The following CRX variants were observed in gnomAD, a reference collection of about 807,000 sequenced individuals.
The protein encoded by CRX is cone-rod homeobox protein.
A neutral mutation model predicts 13.1 loss-of-function variants in CRX; 5 were observed. The ratio of observed to expected loss-of-function variants is 0.38; its 90% CI spans 0.20 to 0.80. The LOEUF is 0.80. CRX is among the 30% of genes least tolerant of loss of function. The pLI is 0.43. For missense variants in CRX, 351 were observed against 391.8 expected (o/e 0.90, Z 0.88); for synonymous variants, 179 against 171.1 (o/e 1.05, Z -0.36).
Position 47,839,281 on chromosome 19 carries a change from C to G in CRX, c.253-39C>G. The G allele has an allele frequency of 6.3e-7, 1 of 1,597,590 alleles. No individual in the cohort carries two copies. The highest frequency in any genetic ancestry group is 1.1e-5 in the South Asian group (1 of 89,164). The stretch of plus-strand genomic sequence containing the variant: ...ACCCTGCGGCTCTCCTGGGCCTCTT[C>G]CCCACTTACCCACCCCCATCTCCGC... On this transcript the variant is annotated intron_variant, in intron 3 of 3. Transcript: ENST00000221996. The surrounding 1 kb of genome is among the most constrained non-coding windows in gnomAD (Gnocchi z 4.6).
At chr19:47,830,045 TATA>T (rs1198949544) in intron 1 of CRX, among the ~76,000 whole-genome samples, 1 of 148,784 alleles carries the variant, frequency 6.7e-6, no homozygotes, top group African/African-American at 2.4e-5. Flanking sequence ...ATTTATAATA[TATA>T]ATAACACAAA....
intron 3 of CRX, among the ~76,000 whole-genome samples, chr19:47,838,097 C>T (rs1270282674): frequency 6.6e-6 from 1 of 151,714 alleles, no homozygotes; most frequent in East Asian, 1.9e-4. Flanking sequence ...GCTATGTATG[C>T]TGTATGTGTG....
chr19:47,836,010 G>C (rs1351712809), intron 2 of CRX, among the ~76,000 whole-genome samples: 2 of 151,986 alleles, frequency 1.3e-5, no homozygotes, highest in African/African-American at 4.8e-5. Context: ...AGAAAGTTTA[G>C]AAGAGGGAAA....
At chr19:47,833,368 G>T (rs1241622220) in intron 1 of CRX, among the ~76,000 whole-genome samples, 1 of 151,754 alleles carries the variant, frequency 6.6e-6, no homozygotes, top group Non-Finnish European at 1.5e-5. Flanking sequence ...TGCAACCTCT[G>T]CCTCCCGGGT....
Position 47,840,812 on chromosome 19 carries a change from G to A in CRX, c.*845G>A, listed in dbSNP as rs966335603. The A allele has an allele frequency of 6.7e-6, 1 of 149,846 alleles. No homozygotes were observed. The highest frequency in any genetic ancestry group is 2.5e-5 in the African/African-American group (1 of 40,610). The allele number at this position is 149,846 out of a possible 1,614,324, so 9.3% of individuals were successfully genotyped here. On this transcript the variant is annotated 3_prime_UTR_variant, in exon 4 of 4. Transcript: ENST00000221996. ...GACTGCAACCTCCACCTCCCGGGTT[G>A]AAGCGTTGCTCCTGCCTCAATCTCC...
chr19:47,840,381 C>T lies in CRX; in HGVS notation c.*414C>T, dbSNP rs1345835030. 2.4e-5 allele frequency: 5 copies of T among 212,448 alleles called. No individual in the cohort carries two copies. The highest frequency in any genetic ancestry group is 3.8e-5 in the Non-Finnish European group (4 of 104,180). The allele number at this position is 212,448 out of a possible 1,614,324, so 13.2% of individuals were successfully genotyped here. A position where few individuals can be genotyped will look rare whatever the true frequency, so the allele number is the denominator to read the frequency against. ...GGGGGCTTGATAACTTAACTTTCCA[C>T]GTGGACAGAATTTTTTTTTTTGTTT... is the stretch of plus-strand genomic sequence containing the variant. On this transcript the variant is annotated 3_prime_UTR_variant, in exon 4 of 4. Transcript: ENST00000221996.
chr19:47,834,353 T>A lies in CRX; in HGVS notation c.-35-56T>A, dbSNP rs1009416539. On this transcript the variant is annotated intron_variant, in intron 1 of 3. Coordinates refer to ENST00000221996, the MANE Select transcript of CRX (RefSeq NM_000554.6). ...CAGGATTTGAATCGCAGCCTGCACGTCACCCCATGGTGAGTAACTGGTAAG... is the reference window on the plus strand; with the variant it reads ...CAGGATTTGAATCGCAGCCTGCACGACACCCCATGGTGAGTAACTGGTAAG... 1.8e-5 allele frequency: 18 copies of A among 1,006,580 alleles called. No homozygotes were observed. In the African/African-American group the frequency reaches 2.8e-4, roughly 16 times the overall value. 62.4% of individuals were successfully genotyped at this position (1,006,580 alleles called of 1,614,324 possible).
intron 1 of CRX, among the ~76,000 whole-genome samples, chr19:47,828,649 G>A (rs941055225): frequency 4.7e-5 from 7 of 149,092 alleles, no homozygotes; most frequent in African/African-American, 9.9e-5. Flanking sequence ...GTTTAGGGGC[G>A]TAGGTTGCTT....
At chr19:47,826,709 G>C (rs1036938154) in intron 1 of CRX, among the ~76,000 whole-genome samples, 1 of 152,228 alleles carries the variant, frequency 6.6e-6, no homozygotes, top group African/African-American at 2.4e-5. Flanking sequence ...GAAGGCTTGT[G>C]TATTAGTTAA....
At position 47,842,047 on chromosome 19, in the gene CRX, A is replaced by G. The variant is rs1968203628; in HGVS notation, c.*2080A>G. ...AAGAGTTGGGAAGAGATAGGGCACA[A>G]TATATGCTTACGAGTTGGTACACAC... On this transcript the variant is annotated 3_prime_UTR_variant, in exon 4 of 4. Coordinates refer to ENST00000221996, the MANE Select transcript of CRX (RefSeq NM_000554.6). The G allele has an allele frequency of 6.6e-6, 1 of 152,282 alleles. No homozygotes were observed. The highest frequency in any genetic ancestry group is 2.4e-5 in the African/African-American group (1 of 41,436). The allele number at this position is 152,282 out of a possible 1,614,324, so 9.4% of individuals were successfully genotyped here.
chr19:47,831,306 C>CA (rs5828320), intron 1 of CRX, among the ~76,000 whole-genome samples: 34,613 of 78,360 alleles, frequency 0.44, 7,707 homozygotes, highest in Non-Finnish European at 0.53. Flanking sequence ...GACTCTGTCT[C>CA]AAAAAAAAAA....
rs1283613534 is a variant in CRX, at chr19:47,839,158, A to AGATG, written c.253-152_253-149dup. On this transcript the variant is annotated intron_variant, in intron 3 of 3. Coordinates refer to ENST00000221996, the MANE Select transcript of CRX (RefSeq NM_000554.6). This position sits in a 1 kb window ranked among gnomAD's most constrained non-coding sequence, Gnocchi z 4.6. ...CACATGCAGGTATGATTGGATGGAT[A>AGATG]GATGGATGGATGGGTGAATAGACGC... is the stretch of plus-strand genomic sequence containing the variant. Among the ~76,000 whole-genome samples, 1 of 152,058 alleles carries AGATG rather than the reference A, an allele frequency of 6.6e-6. No individual in the cohort carries two copies. The highest frequency in any genetic ancestry group is 1.5e-5 in the Non-Finnish European group (1 of 67,972).
intron 1 of CRX, among the ~76,000 whole-genome samples, chr19:47,831,351 C>CA: frequency 6.8e-6 from 1 of 147,006 alleles, no homozygotes; most frequent in African/African-American, 2.5e-5. Context: ...AATACAGGTA[C>CA]AGTCCCTTAG....
At chr19:47,828,932 ACACACACAC>A (rs1968010603) in intron 1 of CRX, among the ~76,000 whole-genome samples, 1 of 145,114 alleles carries the variant, frequency 6.9e-6, no homozygotes, top group Admixed American at 6.9e-5. Flanking sequence ...ACACACACAC[ACACACACAC>A]AATTAAAAAG....
At position 47,839,434 on chromosome 19, in the gene CRX, A is replaced by G. The variant is rs755554804; in HGVS notation, c.367A>G (p.Thr123Ala). 23 of 1,613,738 alleles carry G rather than the reference A, an allele frequency of 1.4e-5. No homozygotes were observed. The Admixed American group carries it at 3.7e-4, about 26-fold the overall frequency. ...CCGGCCTGCCAAGAGGAAGGCGGGCACGTCCCCAAGACCCTCCACAGATGT... is the reference window on the plus strand; with the variant it reads ...CCGGCCTGCCAAGAGGAAGGCGGGCGCGTCCCCAAGACCCTCCACAGATGT... ...KARPAKRKAGTSPRPSTDVCP... is the reference protein window; with the variant it reads ...KARPAKRKAGASPRPSTDVCP... Residue 123 changes from threonine (T) to alanine (A), a missense_variant, in exon 4 of 4, where the codon ACG (threonine) becomes GCG (alanine). Physicochemically the swap from Thr to Ala is moderately conservative, Grantham distance 58 (BLOSUM62 0). Coordinates refer to ENST00000221996, the MANE Select transcript of CRX (RefSeq NM_000554.6). This position sits in a 1 kb window ranked among gnomAD's most constrained non-coding sequence, Gnocchi z 4.6.
chr19:47,833,061 T>TCA (rs1968073230), intron 1 of CRX, among the ~76,000 whole-genome samples: 7 of 115,232 alleles, frequency 6.1e-5, no homozygotes, highest in African/African-American at 1.7e-4. Flanking sequence ...GAGATAGGGG[T>TCA]CTATTTCTTT....
rs1018801711 is a variant in CRX, at chr19:47,842,194, A to C, written c.*2227A>C. ...ACAGCCTAGACCCCCTGAGGGGTAC[A>C]CCCTGATCTCTAGAGCCCACAAAGA... is the stretch of plus-strand genomic sequence containing the variant. On this transcript the variant is annotated 3_prime_UTR_variant, in exon 4 of 4. Coordinates refer to ENST00000221996, the MANE Select transcript of CRX (RefSeq NM_000554.6). 3 of 152,318 alleles carry C rather than the reference A, an allele frequency of 2.0e-5. No individual in the cohort carries two copies. The highest frequency in any genetic ancestry group is 4.4e-5 in the Non-Finnish European group (3 of 68,116). The allele number at this position is 152,318 out of a possible 1,614,324, so 9.4% of individuals were successfully genotyped here. A position where few individuals can be genotyped will look rare whatever the true frequency, so the allele number is the denominator to read the frequency against.
chr19:47,832,105 G>GTTTTTGTTTTGT (rs1555801483), intron 1 of CRX, among the ~76,000 whole-genome samples: 2 of 91,988 alleles, frequency 2.2e-5, no homozygotes, highest in Non-Finnish European at 4.1e-5. Flanking sequence ...GCAGCCTTAT[G>GTTTTTGTTTTGT]TTTTTTTTTT....
At chr19:47,836,454 C>T (rs543855868) in intron 3 of CRX, 60 bp downstream of exon 3, 51 of 1,606,098 alleles carry the variant, frequency 3.2e-5, no homozygotes, top group African/African-American at 8.0e-5. Flanking sequence ...GAGGCCTGCC[C>T]GGAACAAAGA....
Sources: allele counts gnomAD v4.1 joint callset (sites outside exome capture counted in the v4.1 genomes callset), GRCh38; gene constraint gnomAD v4.1.1; non-coding constraint Gnocchi (gnomAD v3.1); transcripts MANE v1.5; gene names NCBI Gene and HGNC (gene_info 2026-07-23, HGNC 2026-07-21).